KNL1: variants seen among roughly 807,000 people sequenced by gnomAD.
The protein encoded by KNL1 is kinetochore scaffold 1.
A neutral mutation model predicts 201.3 loss-of-function variants in KNL1; 66 were observed. The ratio of observed to expected loss-of-function variants is 0.33; its 90% CI spans 0.27 to 0.40. The LOEUF is 0.40. KNL1 is among the 10% of genes least tolerant of loss of function. KNL1 has a pLI of 1.00. For missense variants in KNL1, 2,815 were observed against 2,690.5 expected, an observed-to-expected ratio of 1.05 and a Z score of -1.02; for synonymous variants, 895 against 899.2, an observed-to-expected ratio of 1.00 and a Z score of 0.08.
Position 40,662,360 on chromosome 15 carries a change from A to T in KNL1, c.*172A>T. On this transcript the variant is annotated 3_prime_UTR_variant, in exon 26 of 26. Transcript: ENST00000399668. Reference sequence around the variant, plus strand: ...TATCTCTGCAGAATGATGGTGATGAAGTCTGGATGGTAGGCCTCATAGCCT... The same window carrying T: ...TATCTCTGCAGAATGATGGTGATGATGTCTGGATGGTAGGCCTCATAGCCT... The T allele has an allele frequency of 3.7e-6, 2 of 543,014 alleles. No homozygotes were observed. Among genetic ancestry groups the T allele is most frequent in the South Asian group, 4.8e-5 (2 of 41,764 alleles). The allele number at this position is 543,014 out of a possible 1,614,324, so 33.6% of individuals were successfully genotyped here. A position where few individuals can be genotyped will look rare whatever the true frequency, so the allele number is the denominator to read the frequency against.
intron 6 of KNL1, chr15:40,610,720 G>A (rs1476181203): frequency 1.3e-5 from 6 of 455,792 alleles, no homozygotes; most frequent in African/African-American, 1.0e-4. Flanking sequence ...TTGAGTCTTG[G>A]GAGTAGAGAG....
chr15:40,644,308 T>C (rs1015075128), intron 14 of KNL1, among the ~76,000 whole-genome samples: 2 of 152,186 alleles, frequency 1.3e-5, no homozygotes, highest in African/African-American at 4.8e-5. Context: ...AACATCTCAG[T>C]GGAGTAAAGA....
intron 4 of KNL1, among the ~76,000 whole-genome samples, chr15:40,607,292 A>T (rs947248975): frequency 1.3e-5 from 2 of 152,246 alleles, no homozygotes; most frequent in Non-Finnish European, 2.9e-5. Flanking sequence ...ACCCAATCAC[A>T]CTTATGAACT....
chr15:40,606,672 C>A (rs1891985485), intron 4 of KNL1, among the ~76,000 whole-genome samples: 2 of 152,204 alleles, frequency 1.3e-5, no homozygotes, highest in Admixed American at 1.3e-4. Context: ...AATCATAAGT[C>A]CCTGCAGCCT....
intron 13 of KNL1, among the ~76,000 whole-genome samples, chr15:40,635,973 G>A (rs1198802194): frequency 6.6e-6 from 1 of 152,138 alleles, no homozygotes; most frequent in Non-Finnish European, 1.5e-5. Flanking sequence ...AGTAGCTGGG[G>A]ATTGCAGGCA....
At chr15:40,641,051 T>G (rs1893213958) in intron 14 of KNL1, 24 bp downstream of exon 14, 1 of 1,478,560 alleles carries the variant, frequency 6.8e-7, no homozygotes, top group Non-Finnish European at 9.4e-7. Context: ...AATTTTTATG[T>G]GTGTTTTTTT....
chr15:40,598,222 G>A (rs1244473792), intron 1 of KNL1, among the ~76,000 whole-genome samples: 1 of 151,466 alleles, frequency 6.6e-6, no homozygotes, highest in African/African-American at 2.4e-5. Flanking sequence ...TTCCAAAGGA[G>A]AAAAAATATG....
rs2141724814 is a variant in KNL1 at position 40,624,230 on chromosome 15, A to G, written c.3966A>G (p.Leu1322=). 9.3e-6 allele frequency: 15 copies of G among 1,613,960 alleles called. No homozygotes were observed. Among genetic ancestry groups the G allele is most frequent in the Non-Finnish European group, 1.3e-5 (15 of 1,179,912 alleles). Residue 1322 remains leucine (L), a synonymous_variant, in exon 10 of 26, where the codon TTA becomes TTG. Transcript: ENST00000399668. ...ATTTGGAGGGTAGTGCCATGCTCTT[A>G]TGTGATAAAGATGAGGAAAAAGCCA... ...TDNLEGSAML[L]CDKDEEKANY...
chr15:40,643,795 G>A (rs1050254721), intron 14 of KNL1, among the ~76,000 whole-genome samples: 9 of 152,194 alleles, frequency 5.9e-5, no homozygotes, highest in African/African-American at 2.2e-4. Flanking sequence ...TTTTTTTGAT[G>A]TATGACATTC....
At position 40,622,952 on chromosome 15, in the gene KNL1, G is replaced by A; in HGVS notation, c.2688G>A (p.Val896=). The change falls in exon 10 of 26, where the codon GTG becomes GTA. Residue 896 remains valine (V), a synonymous_variant. Transcript: ENST00000399668. The stretch of plus-strand genomic sequence containing the variant: ...TAGAGAAACGTGATTGTCATTTGGT[G>A]CCATTGGCAGGAACTTCTGAAACTA... ...PLLEKRDCHL[V]PLAGTSETIL... is the part of the protein sequence containing the mutation. 1 of 1,613,690 alleles carries A rather than the reference G, an allele frequency of 6.2e-7. No individual in the cohort carries two copies. Among genetic ancestry groups the A allele is most frequent in the Non-Finnish European group, 8.5e-7 (1 of 1,179,800 alleles).
At chr15:40,656,763 G>A (rs1893746323) in intron 22 of KNL1, among the ~76,000 whole-genome samples, 1 of 151,950 alleles carries the variant, frequency 6.6e-6, no homozygotes, top group Non-Finnish European at 1.5e-5. Context: ...GCAGACGCCT[G>A]TAATCCCAGC....
intron 21 of KNL1, among the ~76,000 whole-genome samples, chr15:40,653,727 T>G (rs888444939): frequency 4.6e-5 from 7 of 152,160 alleles, no homozygotes; most frequent in Admixed American, 3.3e-4. Flanking sequence ...TTTTCTCCTT[T>G]TCCTATCTCA....
At chr15:40,633,842 T>C (rs969223227) in intron 13 of KNL1, among the ~76,000 whole-genome samples, 1 of 152,050 alleles carries the variant, frequency 6.6e-6, no homozygotes, top group African/African-American at 2.4e-5. Context: ...CCAGCCCTTA[T>C]CGTTATTTTA....
intron 14 of KNL1, among the ~76,000 whole-genome samples, chr15:40,643,660 A>T (rs1893298881): frequency 1.3e-5 from 2 of 152,216 alleles, no homozygotes; most frequent in African/African-American, 4.8e-5. Context: ...TCAAAAAAAT[A>T]AAATAATAAT....
Position 40,640,946 on chromosome 15 carries a change from T to A in KNL1, c.5717T>A (p.Leu1906Gln), listed in dbSNP as rs975586178. 2.5e-6 allele frequency: 4 copies of A among 1,613,050 alleles called. No homozygotes were observed. In the Admixed American group the frequency reaches 6.7e-5, roughly 27 times the overall value. The change falls in exon 14 of 26, where the codon CTG becomes CAG. Residue 1906 changes from leucine (L) to glutamine (Q), a missense_variant. Transcript: ENST00000399668. Reference sequence around the variant, plus strand: ...AACACACCACCTACTCCAGAAGACCTGATGTTAAGTCAATATGTTTACCGA... The same window carrying A: ...AACACACCACCTACTCCAGAAGACCAGATGTTAAGTCAATATGTTTACCGA... The part of the protein sequence containing the change: ...TVNTPPTPED[L>Q]MLSQYVYRPK...
At chr15:40,620,578 G>A (rs1321745598) in intron 9 of KNL1, 62 bp from the exon 10 acceptor site, 4 of 1,070,360 alleles carry the variant, frequency 3.7e-6, no homozygotes, top group East Asian at 5.0e-5. Context: ...AATACATGTT[G>A]TAAAATGCCT....
intron 15 of KNL1, 112 bp from the exon 16 acceptor site, chr15:40,645,544 G>T: frequency 4.1e-5 from 21 of 507,392 alleles, no homozygotes; most frequent in Non-Finnish European, 5.3e-5. Flanking sequence ...AATTAAATTT[G>T]CAAATGACAA....
At chr15:40,629,465 A>ATTTT in intron 13 of KNL1, 94 bp downstream of exon 13, 2 of 207,448 alleles carry the variant, frequency 9.6e-6, no homozygotes, top group Non-Finnish European at 1.8e-5. Context: ...TCCTATAGAG[A>ATTTT]GTTTTCTTTT....
chr15:40,661,973 G>A (rs1893922850), intron 25 of KNL1, 101 bp from the exon 26 acceptor site: 6 of 630,336 alleles, frequency 9.5e-6, no homozygotes, highest in South Asian at 5.3e-5. Flanking sequence ...CCCGGGAGGT[G>A]GAGCTTGCAG....
Sources: allele counts gnomAD v4.1 joint callset (sites outside exome capture counted in the v4.1 genomes callset), GRCh38; gene constraint gnomAD v4.1.1; transcripts MANE v1.5; gene names NCBI Gene and HGNC (gene_info 2026-07-23, HGNC 2026-07-21).